Variants in PRELID2 observed in about 807,000 individuals in gnomAD.
PRELID2 encodes the protein PRELI domain containing 2.
Under a neutral mutation model 28.4 loss-of-function variants are expected in PRELID2, and 25 were observed. The ratio of observed to expected loss-of-function variants is 0.88; its 90% CI spans 0.64 to 1.23. PRELID2 has a LOEUF of 1.23. Ranked by LOEUF, PRELID2 falls within the 50% of genes most tolerant of loss-of-function variation. PRELID2 has a pLI of 0.00. For missense variants in PRELID2, 201 were observed against 214.4 expected, an observed-to-expected ratio of 0.94 and a Z score of 0.39; for synonymous variants, 76 against 71.6, an observed-to-expected ratio of 1.06 and a Z score of -0.31.
intron 1 of PRELID2, among the ~76,000 whole-genome samples, chr5:145,524,332 A>T (rs1197550020): frequency 6.6e-6 from 1 of 152,214 alleles, no homozygotes; most frequent in African/African-American, 2.4e-5. Context: ...TGCAGATCCC[A>T]GAACAAGAAT....
At chr5:145,250,587 C>A in the PRELID2 span, among the ~76,000 whole-genome samples, 1 of 151,874 alleles carries the variant, frequency 6.6e-6, no homozygotes, top group Non-Finnish European at 1.5e-5. Flanking sequence ...TCTGAGGGTA[C>A]CAAGAGACTT....
the PRELID2 span, among the ~76,000 whole-genome samples, chr5:145,388,691 G>A: frequency 6.6e-6 from 1 of 151,978 alleles, no homozygotes; most frequent in Non-Finnish European, 1.5e-5. Context: ...CCATCTCAGG[G>A]ATTGGTCCTT....
Position 145,820,436 on chromosome 5 carries a change from A to G in PRELID2, c.134-418T>C, listed in dbSNP as rs572991058. On this transcript the variant is annotated intron_variant, in intron 2 of 6. Coordinates refer to ENST00000683046, the MANE Select transcript of PRELID2 (RefSeq NM_205846.3). ...TCACAACCGTTCGCTGCTCTGGACT[A>G]TCCGTGTCAGTACTCCAATGACGAT... Among the ~76,000 whole-genome samples, 1,059 of 152,218 alleles carry G rather than the reference A, an allele frequency of 7.0e-3. 14 individuals carry two copies. Among genetic ancestry groups the G allele is most frequent in the African/African-American group, 0.024 (1,005 of 41,514 alleles).
chr5:145,493,447 T>C (rs1232977712), intron 1 of PRELID2, among the ~76,000 whole-genome samples: 1 of 152,212 alleles, frequency 6.6e-6, no homozygotes. Context: ...GATCTATTGC[T>C]TCAGTGTCCT....
chr5:145,817,206 A>ATATATATATATATATATATAT (rs1423577359), intron 4 of PRELID2, among the ~76,000 whole-genome samples: 3 of 62,854 alleles, frequency 4.8e-5, no homozygotes, highest in Non-Finnish European at 1.2e-4. Flanking sequence ...AAAATAAATA[A>ATATATATATATATATATATAT]ATAAATAAAA....
intron 1 of PRELID2, among the ~76,000 whole-genome samples, chr5:145,503,634 G>C (rs982158401): frequency 3.9e-5 from 6 of 152,276 alleles, no homozygotes; most frequent in African/African-American, 1.4e-4. Context: ...GCTACTGTGT[G>C]ACCCCAGGAG....
chr5:145,692,977 A>T (rs187361425), intron 1 of PRELID2, among the ~76,000 whole-genome samples: 78 of 152,280 alleles, frequency 5.1e-4, no homozygotes, highest in African/African-American at 1.8e-3. Flanking sequence ...ATTTGAAAAT[A>T]AGAAGAGAAA....
intron 1 of PRELID2, among the ~76,000 whole-genome samples, chr5:145,516,646 T>G (rs147419531): frequency 0.011 from 1,651 of 152,248 alleles, 31 homozygotes; most frequent in African/African-American, 0.038. Context: ...ACTTTAAATT[T>G]CATATGGAAC....
intron 1 of PRELID2, among the ~76,000 whole-genome samples, chr5:145,578,200 G>T (rs955462612): frequency 1.3e-5 from 2 of 152,132 alleles, no homozygotes; most frequent in Non-Finnish European, 2.9e-5. Context: ...CATGCTGAAA[G>T]CAAGCATTTC....
In PRELID2 at chr5:145,558,045, T is replaced by C. The variant is rs551955603; in HGVS notation, n.71-84730A>G. On this transcript the variant is annotated intron_variant and non_coding_transcript_variant, in intron 1 of 2. Transcript: ENST00000510259. ...AATGAAATTATTTAATGTCATGTCA[T>C]TTAATGAGCACTAAGTCATAGTTTT... Among the ~76,000 whole-genome samples, 3 of 152,330 alleles carry C rather than the reference T, an allele frequency of 2.0e-5. No homozygotes were observed. In the South Asian group the frequency reaches 6.2e-4, roughly 32 times the overall value.
chr5:145,567,603 C>G (rs1361586226), intron 1 of PRELID2, among the ~76,000 whole-genome samples: 2 of 152,140 alleles, frequency 1.3e-5, no homozygotes, highest in East Asian at 3.8e-4. Context: ...GTCTCAAACT[C>G]CTGACCTCAA....
chr5:145,740,307 TATATATATATATAA>T (rs1174238920), intron 1 of PRELID2, among the ~76,000 whole-genome samples: 3 of 97,318 alleles, frequency 3.1e-5, no homozygotes, highest in Admixed American at 2.1e-4. Context: ...TATATATATA[TATATATATATATAA>T]ATCCTAAATG....
At chr5:145,504,121 C>T (rs1034472094) in intron 1 of PRELID2, among the ~76,000 whole-genome samples, 3 of 152,134 alleles carry the variant, frequency 2.0e-5, no homozygotes, top group Non-Finnish European at 4.4e-5. Flanking sequence ...GACTATAATG[C>T]CACTCAGACT....
rs1443485253 is a variant in PRELID2 at position 145,818,018 on chromosome 5, C to T, written c.244G>A (p.Glu82Lys). 2.5e-6 allele frequency: 4 copies of T among 1,612,714 alleles called. No individual in the cohort carries two copies. Among genetic ancestry groups the T allele is most frequent in the Admixed American group, 1.7e-5 (1 of 59,876 alleles). Residue 82 changes from glutamate (E) to lysine (K), a missense_variant, in exon 4 of 7, where the codon GAG becomes AAG. Coordinates refer to ENST00000683046, the MANE Select transcript of PRELID2 (RefSeq NM_205846.3). ...TCCCGAGGATTGAGCCATGACTCCT[C>T]TTCTAATTGGATATTAGGTACTTTC... ...ILKVPNIQLEEESWLNPRERN... is the reference protein window; with the variant it reads ...ILKVPNIQLEKESWLNPRERN...
chr5:145,390,759 C>T, the PRELID2 span, among the ~76,000 whole-genome samples: 3 of 152,302 alleles, frequency 2.0e-5, no homozygotes, highest in South Asian at 2.1e-4. Flanking sequence ...AAAGTCTCAT[C>T]TGATACCAGG....
the PRELID2 span, among the ~76,000 whole-genome samples, chr5:145,259,489 T>G: frequency 6.6e-6 from 1 of 152,180 alleles, no homozygotes; most frequent in African/African-American, 2.4e-5. Flanking sequence ...TCTCTGGATG[T>G]GGGATATGAT....
chr5:145,286,371 T>C, the PRELID2 span, among the ~76,000 whole-genome samples: 6 of 152,192 alleles, frequency 3.9e-5, no homozygotes, highest in Admixed American at 2.0e-4. Flanking sequence ...TTTACTGTGT[T>C]TCAATTTAAA....
intron 5 of PRELID2, among the ~76,000 whole-genome samples, chr5:145,774,637 C>A (rs1758304582): frequency 6.6e-6 from 1 of 152,220 alleles, no homozygotes; most frequent in Non-Finnish European, 1.5e-5. Context: ...AGGGGCTCAC[C>A]TCATGCTTGC....
At chr5:145,496,271 T>C (rs1752309026) in intron 1 of PRELID2, among the ~76,000 whole-genome samples, 1 of 152,094 alleles carries the variant, frequency 6.6e-6, no homozygotes, top group Non-Finnish European at 1.5e-5. Flanking sequence ...CCACTAGACA[T>C]CCAAATAGGC....
Sources: allele counts gnomAD v4.1 joint callset (sites outside exome capture counted in the v4.1 genomes callset), GRCh38; gene constraint gnomAD v4.1.1; transcripts MANE v1.5; gene names NCBI Gene and HGNC (gene_info 2026-07-23, HGNC 2026-07-21).